Variants in SYT1 observed in about 807,000 individuals in gnomAD.
The protein encoded by SYT1 is synaptotagmin-1.
SYT1 carries 8 observed loss-of-function variants against 44.8 expected under a neutral mutation model. The ratio of observed to expected loss-of-function variants is 0.18; its 90% CI spans 0.10 to 0.32. The LOEUF is 0.32. Among genes scored for constraint, SYT1 ranks in the 10% least tolerant of loss-of-function variants. The probability of loss-of-function intolerance (pLI) is 1.00; values close to 1 mark genes in which losing one functional copy is unlikely to be tolerated. For missense variants in SYT1, 286 were observed against 509.3 expected (o/e 0.56, Z 4.22); for synonymous variants, 154 against 188.8 (o/e 0.82, Z 1.51).
At chr12:79,188,967 T>TA (rs1872957079) in intron 3 of SYT1, among the ~76,000 whole-genome samples, 1 of 151,896 alleles carries the variant, frequency 6.6e-6, no homozygotes, top group African/African-American at 2.4e-5. Context: ...TATTTTTTTT[T>TA]ATCTTGATGC....
At chr12:79,051,559 A>G (rs1301087805) in intron 3 of SYT1, among the ~76,000 whole-genome samples, 1 of 151,620 alleles carries the variant, frequency 6.6e-6, no homozygotes, top group Non-Finnish European at 1.5e-5. Flanking sequence ...GAGGACATTC[A>G]AGATTACACA....
chr12:79,342,433 A>G (rs10082716), intron 8 of SYT1, among the ~76,000 whole-genome samples: 17,251 of 152,086 alleles, frequency 0.11, 1,776 homozygotes, highest in African/African-American at 0.28. Flanking sequence ...GTCTGGCTTC[A>G]TTGCCCAGAC....
chr12:78,965,362 G>A (rs1181496727), intron 1 of SYT1, among the ~76,000 whole-genome samples: 1 of 152,166 alleles, frequency 6.6e-6, no homozygotes, highest in African/African-American at 2.4e-5. Context: ...TACTAAGCAA[G>A]TGATGCACAA....
At chr12:79,269,104 T>TA (rs869042859) in intron 4 of SYT1, among the ~76,000 whole-genome samples, 9 of 146,932 alleles carry the variant, frequency 6.1e-5, no homozygotes, top group Admixed American at 4.8e-4. Flanking sequence ...TTTTTTTTTT[T>TA]ATTGAATATC....
chr12:79,067,080 G>T (rs1018180048), intron 3 of SYT1, among the ~76,000 whole-genome samples: 1 of 152,124 alleles, frequency 6.6e-6, no homozygotes, highest in African/African-American at 2.4e-5. Flanking sequence ...AAACCTTCCT[G>T]CCACAACAAG....
intron 4 of SYT1, among the ~76,000 whole-genome samples, chr12:79,234,571 A>G (rs1468277251): frequency 6.6e-6 from 1 of 152,172 alleles, no homozygotes; most frequent in Non-Finnish European, 1.5e-5. Context: ...TTCATCTTGC[A>G]TGTTTCAGTA....
intron 1 of SYT1, among the ~76,000 whole-genome samples, chr12:78,958,882 T>C (rs903920426): frequency 3.3e-5 from 5 of 151,228 alleles, no homozygotes; most frequent in Non-Finnish European, 7.4e-5. Flanking sequence ...ACAAGTCTAC[T>C]TTTTTTTTGA....
chr12:79,080,663 G>A (rs1226409941), intron 3 of SYT1, among the ~76,000 whole-genome samples: 1 of 152,058 alleles, frequency 6.6e-6, no homozygotes, highest in Non-Finnish European at 1.5e-5. Context: ...GAATGTACTG[G>A]CTCCAATATA....
intron 9 of SYT1, among the ~76,000 whole-genome samples, chr12:79,431,603 G>T (rs772987046): frequency 5.9e-5 from 9 of 151,284 alleles, no homozygotes; most frequent in Non-Finnish European, 1.2e-4. Flanking sequence ...GAGTGCAATG[G>T]CACAATCTTG....
intron 3 of SYT1, among the ~76,000 whole-genome samples, chr12:79,158,064 T>C (rs567467535): frequency 3.9e-4 from 60 of 152,226 alleles, no homozygotes; most frequent in African/African-American, 1.3e-3. Flanking sequence ...CGGGGTGGTT[T>C]CGGGGTGATT....
At chr12:78,946,708 A>C (rs958083959) in intron 1 of SYT1, among the ~76,000 whole-genome samples, 5 of 151,420 alleles carry the variant, frequency 3.3e-5, no homozygotes, top group African/African-American at 1.2e-4. Flanking sequence ...AAAGAAAAAA[A>C]AAGAAAAAGA....
intron 9 of SYT1, among the ~76,000 whole-genome samples, chr12:79,384,987 A>ATTTTTTT (rs3067387): frequency 7.7e-6 from 1 of 129,920 alleles, no homozygotes; most frequent in Non-Finnish European, 1.6e-5. Flanking sequence ...GGACCACTGG[A>ATTTTTTT]TTTTTTTTTT....
chr12:79,312,527 A>G (rs927439387), intron 8 of SYT1, among the ~76,000 whole-genome samples: 2 of 152,182 alleles, frequency 1.3e-5, no homozygotes, highest in African/African-American at 4.8e-5. Context: ...AAAAGAACAA[A>G]AAATGAACAT....
chr12:79,386,942 A>G (rs1316221629), intron 9 of SYT1, among the ~76,000 whole-genome samples: 4 of 152,160 alleles, frequency 2.6e-5, no homozygotes, highest in African/African-American at 4.8e-5. Context: ...AAGACATTCT[A>G]TGGGAAGAAT....
intron 5 of SYT1, among the ~76,000 whole-genome samples, chr12:79,290,239 AC>A (rs1879513126): frequency 6.6e-6 from 1 of 152,204 alleles, no homozygotes; most frequent in Non-Finnish European, 1.5e-5. Context: ...TGACCTTCCC[AC>A]CTGAATGAGT....
intron 3 of SYT1, among the ~76,000 whole-genome samples, chr12:79,216,073 A>T (rs1269382268): frequency 1.3e-5 from 2 of 151,474 alleles, no homozygotes; most frequent in Non-Finnish European, 2.9e-5. Flanking sequence ...CTGGGATTAC[A>T]GGTGCCTGCC....
chr12:79,261,697 A>T (rs1020681211), intron 4 of SYT1, among the ~76,000 whole-genome samples: 5 of 152,188 alleles, frequency 3.3e-5, no homozygotes, highest in Non-Finnish European at 7.4e-5. Context: ...CATTTATTAA[A>T]TCTCATCTGT....
chr12:79,445,445 A>C (rs1593073228), intron 10 of SYT1, among the ~76,000 whole-genome samples: 1 of 151,812 alleles, frequency 6.6e-6, no homozygotes. Context: ...CCTTAAACAA[A>C]TCTCTCCCTA....
intron 3 of SYT1, among the ~76,000 whole-genome samples, chr12:79,163,657 G>C (rs1008827609): frequency 6.6e-6 from 1 of 151,986 alleles, no homozygotes; most frequent in Non-Finnish European, 1.5e-5. Context: ...TGCCGTTCTC[G>C]TTCCTCTGCA....
Sources: allele counts gnomAD v4.1 joint callset (sites outside exome capture counted in the v4.1 genomes callset), GRCh38; gene constraint gnomAD v4.1.1; transcripts MANE v1.5; gene names NCBI Gene and HGNC (gene_info 2026-07-23, HGNC 2026-07-21).